Variants in KIR2DL1 observed in about 807,000 individuals in gnomAD.
KIR2DL1 encodes the protein killer cell immunoglobulin-like receptor 2DL1.
Under a neutral mutation model 33.9 loss-of-function variants are expected in KIR2DL1, and 38 were observed. That is an observed-to-expected ratio of 1.12 (90% CI 0.86 to 1.47). The LOEUF is 1.47. Among genes scored for constraint, KIR2DL1 ranks in the 40% most tolerant of loss-of-function variants. The pLI, the probability that KIR2DL1 is intolerant of heterozygous loss-of-function variation, is 0.00. For missense variants in KIR2DL1, 531 were observed against 433.9 expected, an observed-to-expected ratio of 1.22 and a Z score of -1.99; for synonymous variants, 179 against 165.9, an observed-to-expected ratio of 1.08 and a Z score of -0.61.
intron 4 of KIR2DL1, among the ~76,000 whole-genome samples, chr19:54,778,257 T>A (rs1424035411): frequency 6.7e-6 from 1 of 149,500 alleles, no homozygotes; most frequent in Non-Finnish European, 1.5e-5. Context: ...AGACTCCATC[T>A]CAAAAGAAAA....
chr19:54,783,201 C>T (rs892102201), intron 6 of KIR2DL1, among the ~76,000 whole-genome samples, 178 bp downstream of exon 6: 10 of 151,546 alleles, frequency 6.6e-5, no homozygotes, highest in South Asian at 2.1e-4. Flanking sequence ...ACTCACAGAC[C>T]GTTGCCTGAT....
At chr19:54,779,444 G>A (rs1026209697) in intron 5 of KIR2DL1, among the ~76,000 whole-genome samples, 2 of 147,650 alleles carry the variant, frequency 1.4e-5, no homozygotes, top group African/African-American at 2.5e-5. Context: ...AGCCCACAAA[G>A]ACTGGTCACA....
chr19:54,773,372 G>A lies in KIR2DL1; in HGVS notation c.110G>A (p.Arg37His), dbSNP rs35509911. ...CCTTCCCTCCTGGCCCACCCAGGTC[G>A]CCTGGTGAAATCAGAAGAGACAGTC... ...RKPSLLAHPG[R>H]LVKSEETVIL... is the part of the protein sequence containing the mutation. The change falls in exon 3 of 8, where the codon CGC (arginine) becomes CAC (histidine). Residue 37 changes from arginine (R) to histidine (H), a missense_variant. Arg to His is a conservative substitution (Grantham distance 29). Coordinates refer to ENST00000336077, the MANE Select transcript of KIR2DL1 (RefSeq NM_014218.3). The A allele has an allele frequency of 2.6e-5, 41 of 1,595,018 alleles. 3 individuals carry two copies. Among genetic ancestry groups the A allele is most frequent in the Admixed American group, 6.8e-5 (4 of 58,688 alleles).
Position 54,781,717 on chromosome 19 carries a change from G to A in KIR2DL1, c.716-1205G>A, listed in dbSNP as rs778225289. 1.1e-3 allele frequency among the ~76,000 whole-genome samples: 165 copies of A among 152,050 alleles called. 1 individual carries two copies. The highest frequency in any genetic ancestry group is 2.0e-3 in the Non-Finnish European group (135 of 67,948). Reference sequence around the variant, plus strand: ...CTCCCGAGATCACAAAGAGCAGCAGGTTTCACACGGGCTTCAACACTATTT... The same window carrying A: ...CTCCCGAGATCACAAAGAGCAGCAGATTTCACACGGGCTTCAACACTATTT... On this transcript the variant is annotated intron_variant, in intron 5 of 7. Coordinates refer to ENST00000336077, the MANE Select transcript of KIR2DL1 (RefSeq NM_014218.3).
chr19:54,772,418 G>A (rs867246384), intron 2 of KIR2DL1, among the ~76,000 whole-genome samples: 19 of 145,904 alleles, frequency 1.3e-4, no homozygotes, highest in African/African-American at 4.5e-4. Flanking sequence ...CGACAAACAG[G>A]GTCCGATTTC....
intron 2 of KIR2DL1, among the ~76,000 whole-genome samples, chr19:54,771,487 G>T (rs1159936613): frequency 6.8e-6 from 1 of 147,398 alleles, no homozygotes; most frequent in Non-Finnish European, 1.5e-5. Context: ...CCTTCCTTTA[G>T]CCCTGGGCAC....
At chr19:54,775,666 G>T (rs1264243714) in intron 4 of KIR2DL1, among the ~76,000 whole-genome samples, 9 of 148,512 alleles carry the variant, frequency 6.1e-5, no homozygotes, top group East Asian at 3.9e-4. Flanking sequence ...AGGGCTCCAG[G>T]CACCCAGGCA....
At chr19:54,777,440 T>C (rs1384006188) in intron 4 of KIR2DL1, among the ~76,000 whole-genome samples, 2 of 149,198 alleles carry the variant, frequency 1.3e-5, no homozygotes, top group Non-Finnish European at 3.0e-5. Context: ...GATTTTAATT[T>C]GCGTTTCTCT....
At position 54,773,688 on chromosome 19, in the gene KIR2DL1, A is replaced by T; in HGVS notation, c.370+56A>T. 8.7e-6 allele frequency: 13 copies of T among 1,494,986 alleles called. 2 individuals carry two copies. Among genetic ancestry groups the T allele is most frequent in the Non-Finnish European group, 1.2e-5 (13 of 1,089,284 alleles). 92.6% of individuals were successfully genotyped at this position (1,494,986 alleles called of 1,614,324 possible). A position where few individuals can be genotyped will look rare whatever the true frequency, so the allele number is the denominator to read the frequency against. On this transcript the variant is annotated intron_variant, in intron 3 of 7. Transcript: ENST00000336077. ...CATTGGGATGCAGAGTGAATGATCC[A>T]GGAATTGGAGACCCAGGTGGCTGTA...
At chr19:54,775,799 C>T (rs1292556476) in intron 4 of KIR2DL1, among the ~76,000 whole-genome samples, 1 of 149,092 alleles carries the variant, frequency 6.7e-6, no homozygotes, top group African/African-American at 2.4e-5. Flanking sequence ...GCCTCTCACC[C>T]ACACAGAGAT....
At position 54,784,161 on chromosome 19, in the gene KIR2DL1, C is replaced by T; in HGVS notation, c.*348C>T. ...CAATTCCAAACATACAAGAGGCTCC[C>T]TCTTAACGCAGCACTTAGACACGTG... On this transcript the variant is annotated 3_prime_UTR_variant, in exon 8 of 8. Transcript: ENST00000336077. The T allele has an allele frequency of 2.4e-6, 1 of 413,088 alleles. No individual in the cohort carries two copies. Among genetic ancestry groups the T allele is most frequent in the Non-Finnish European group, 4.4e-6 (1 of 229,148 alleles). The allele number at this position is 413,088 out of a possible 1,614,324, so 25.6% of individuals were successfully genotyped here.
chr19:54,777,470 C>T (rs1229971124), intron 4 of KIR2DL1, among the ~76,000 whole-genome samples: 1 of 149,002 alleles, frequency 6.7e-6, no homozygotes, highest in African/African-American at 2.5e-5. Flanking sequence ...TGATACTGAG[C>T]ACTTTTTCGT....
intron 2 of KIR2DL1, 30 bp downstream of exon 2, chr19:54,770,914 A>T: frequency 6.4e-7 from 1 of 1,573,654 alleles, no homozygotes. Context: ...TTCGGGTGTC[A>T]TCTCCCCACA....
Position 54,783,902 on chromosome 19 carries a change from G to A in KIR2DL1, c.*89G>A. ...TGCCAGCTCCCATGTACCAGCAGCT[G>A]GAATCTGAAGGCGTGAGTCTGCATC... On this transcript the variant is annotated 3_prime_UTR_variant, in exon 8 of 8. Coordinates refer to ENST00000336077, the MANE Select transcript of KIR2DL1 (RefSeq NM_014218.3). 7.1e-6 allele frequency: 11 copies of A among 1,552,972 alleles called. No individual in the cohort carries two copies. The highest frequency in any genetic ancestry group is 9.8e-6 in the Non-Finnish European group (11 of 1,124,936).
At position 54,779,701 on chromosome 19, in the gene KIR2DL1, G is replaced by A. The variant is rs1235632628; in HGVS notation, c.715+1039G>A. 5.4e-5 allele frequency among the ~76,000 whole-genome samples: 8 copies of A among 149,120 alleles called. No homozygotes were observed. In the South Asian group the frequency reaches 8.4e-4, roughly 16 times the overall value. On this transcript the variant is annotated intron_variant, in intron 5 of 7. Transcript: ENST00000336077. ...TAAAATAACATATTCACAAGCTATGGAGGCTAGGACAGGGACATTTTGGGG... is the reference window on the plus strand; with the variant it reads ...TAAAATAACATATTCACAAGCTATGAAGGCTAGGACAGGGACATTTTGGGG...
chr19:54,783,345 G>A, intron 6 of KIR2DL1, 141 bp from the exon 7 acceptor site: 1 of 878,504 alleles, frequency 1.1e-6, no homozygotes, highest in Non-Finnish European at 1.8e-6. Flanking sequence ...TGAGCTCAGA[G>A]AGATAGAATG....
intron 2 of KIR2DL1, among the ~76,000 whole-genome samples, chr19:54,771,648 G>T (rs2075740787): frequency 6.8e-6 from 1 of 148,106 alleles, no homozygotes; most frequent in East Asian, 1.9e-4. Context: ...GCCTGGCCAA[G>T]CCCTGTGGTG....
At chr19:54,779,918 A>G (rs1335545180) in intron 5 of KIR2DL1, among the ~76,000 whole-genome samples, 1 of 133,946 alleles carries the variant, frequency 7.5e-6, no homozygotes, top group East Asian at 2.0e-4. Flanking sequence ...TTGTTTATTG[A>G]GACAGAGTCG....
In KIR2DL1 at chr19:54,784,132, C is replaced by A; in HGVS notation, c.*319C>A. ...TTGAGGCTGCAATCACACTGAGGAA[C>A]TCACAATTCCAAACATACAAGAGGC... On this transcript the variant is annotated 3_prime_UTR_variant, in exon 8 of 8. Transcript: ENST00000336077. 1 of 528,880 alleles carries A rather than the reference C, an allele frequency of 1.9e-6. No individual in the cohort carries two copies. Among genetic ancestry groups the A allele is most frequent in the East Asian group, 3.4e-5 (1 of 29,706 alleles). 32.8% of individuals were successfully genotyped at this position (528,880 alleles called of 1,614,324 possible).
Sources: gnomAD v4.1 joint callset for allele counts (sites outside exome capture counted in the v4.1 genomes callset) on GRCh38, gnomAD v4.1.1 for gene constraint, MANE v1.5 for transcripts, NCBI Gene and HGNC (gene_info 2026-07-23, HGNC 2026-07-21) for gene names.